THSD4: variants seen among roughly 807,000 people sequenced by gnomAD.
THSD4 encodes the protein thrombospondin type-1 domain-containing protein 4.
THSD4 carries 69 observed loss-of-function variants against 119.0 expected under a neutral mutation model. That is an observed-to-expected ratio of 0.58 (90% confidence interval 0.48 to 0.71). The LOEUF is 0.71. Among genes scored for constraint, THSD4 ranks in the 30% least tolerant of loss-of-function variants. The probability of loss-of-function intolerance (pLI) is 0.00; values close to 1 mark genes in which losing one functional copy is unlikely to be tolerated. For synonymous variants in THSD4, 524 were observed against 540.4 expected, an observed-to-expected ratio of 0.97 and a Z score of 0.42; for missense variants, 1,393 against 1,391.1, an observed-to-expected ratio of 1.00 and a Z score of -0.02.
chr15:71,373,738 T>C (rs1298872711), intron 6 of THSD4, among the ~76,000 whole-genome samples: 2 of 152,174 alleles, frequency 1.3e-5, no homozygotes, highest in African/African-American at 4.8e-5. Flanking sequence ...TCAAAGTCCA[T>C]TCTGCTTCCA....
At chr15:71,568,707 A>T (rs2049291020) in intron 7 of THSD4, among the ~76,000 whole-genome samples, 1 of 151,920 alleles carries the variant, frequency 6.6e-6, no homozygotes, top group African/African-American at 2.4e-5. Context: ...CGTCATTTAC[A>T]TTAGATATAT....
Position 71,547,193 on chromosome 15 carries a change from G to A in THSD4, c.1153-113337G>A, listed in dbSNP as rs948163658. The A allele has an allele frequency of 5.3e-6, 7 of 1,323,452 alleles. 1 individual carries two copies. The highest frequency in any genetic ancestry group is 6.7e-6 in the Non-Finnish European group (7 of 1,041,308). The allele number at this position is 1,323,452 out of a possible 1,614,324, so 82.0% of individuals were successfully genotyped here. ...TGGCTCCTGTCCCCTCCCCCAGCCG[G>A]GAGAAGTTATTACATGAAGAGATCA... is the stretch of plus-strand genomic sequence containing the variant. On this transcript the variant is annotated intron_variant, in intron 7 of 17. Transcript: ENST00000261862.
chr15:71,737,278 A>G (rs997283140), intron 10 of THSD4, among the ~76,000 whole-genome samples: 4 of 152,212 alleles, frequency 2.6e-5, no homozygotes, highest in Non-Finnish European at 5.9e-5. Context: ...TCCCTCCAAA[A>G]CCATGGATCT....
intron 8 of THSD4, among the ~76,000 whole-genome samples, chr15:71,725,499 G>A (rs542523358): frequency 6.6e-6 from 1 of 152,302 alleles, no homozygotes; most frequent in African/African-American, 2.4e-5. Flanking sequence ...TTAATAGCCA[G>A]GTAGAGAAAG....
chr15:71,588,338 G>A (rs1036078982), intron 7 of THSD4, among the ~76,000 whole-genome samples: 2 of 150,950 alleles, frequency 1.3e-5, no homozygotes, highest in Admixed American at 6.6e-5. Flanking sequence ...TTGTCATTGG[G>A]AAAAGTGAGA....
At chr15:71,172,157 T>C (rs2043372338) in intron 3 of THSD4, 1 of 151,982 alleles carries the variant, frequency 6.6e-6, no homozygotes, top group South Asian at 2.1e-4. Flanking sequence ...AAAACCCGTC[T>C]CTATTAAAAA....
chr15:71,345,414 G>C (rs886822478), intron 6 of THSD4, among the ~76,000 whole-genome samples: 3 of 152,136 alleles, frequency 2.0e-5, no homozygotes, highest in African/African-American at 4.8e-5. Context: ...CTCTGTGATT[G>C]GCCCTTTCTT....
chr15:71,199,792 T>TGTGTGTGTG (rs2043773536), intron 3 of THSD4, among the ~76,000 whole-genome samples: 1 of 137,616 alleles, frequency 7.3e-6, no homozygotes, highest in Non-Finnish European at 1.6e-5. Context: ...GGGTGTGTGC[T>TGTGTGTGTG]GTGTGTGTGC....
At position 71,277,128 on chromosome 15, in the gene THSD4, CT is replaced by C. The variant is rs779207517; in HGVS notation, c.1015+20427del. The stretch of plus-strand genomic sequence containing the variant: ...TATTTGTATTTGAATTCTTCTTCTT[CT>C]TTTTTTTTTTTTTGAAACGGAGTTT... On this transcript the variant is annotated intron_variant, in intron 6 of 17. Transcript: ENST00000261862. Among the ~76,000 whole-genome samples the C allele has an allele frequency of 1.4e-3, 176 of 122,890 alleles. 1 individual carries two copies. The highest frequency in any genetic ancestry group is 3.0e-3 in the Admixed American group (36 of 12,034). The allele number at this position is 122,890 out of a possible 152,430, so 80.6% of individuals were successfully genotyped here.
In THSD4 at chr15:71,237,053, G is replaced by A. The variant is rs1357275137; in HGVS notation, c.465-5596G>A. On this transcript the variant is annotated intron_variant, in intron 4 of 17. Coordinates refer to ENST00000261862, the MANE Select transcript of THSD4 (RefSeq NM_024817.3). ...TAAAGTCCCTTGGCCTACTGAGGAG[G>A]TACAAGTGGTGTGGGTGGTCCATGC... Among the ~76,000 whole-genome samples the A allele has an allele frequency of 6.6e-5, 10 of 152,190 alleles. No individual in the cohort carries two copies. In the East Asian group the frequency reaches 1.7e-3, roughly 26 times the overall value.
rs148136233 is a variant in THSD4 at position 71,683,176 on chromosome 15, C to T, written c.1357+22442C>T. ...GACTATAGTAATCTGCCTACCTTGA[C>T]CTCCCAAAGTGCTAGGATTACAGGT... On this transcript the variant is annotated intron_variant, in intron 8 of 17. Transcript: ENST00000261862. Among the ~76,000 whole-genome samples the T allele has an allele frequency of 2.5e-3, 382 of 152,128 alleles. 2 individuals carry two copies. Among genetic ancestry groups the T allele is most frequent in the Admixed American group, 7.1e-3 (108 of 15,272 alleles).
intron 2 of THSD4, among the ~76,000 whole-genome samples, chr15:71,146,589 G>A (rs2040664114): frequency 6.6e-6 from 1 of 151,818 alleles, no homozygotes; most frequent in Non-Finnish European, 1.5e-5. Context: ...GAATACTTAT[G>A]TCACTACAAA....
chr15:71,387,727 C>T (rs1205099657), intron 6 of THSD4, among the ~76,000 whole-genome samples: 1 of 152,184 alleles, frequency 6.6e-6, no homozygotes, highest in African/African-American at 2.4e-5. Context: ...GTATATACAA[C>T]AAAGGCTTAG....
intron 10 of THSD4, among the ~76,000 whole-genome samples, chr15:71,736,470 T>C (rs1363363716): frequency 6.6e-6 from 1 of 151,988 alleles, no homozygotes; most frequent in Non-Finnish European, 1.5e-5. Flanking sequence ...GCCCTCTCTG[T>C]CTCTCTCACT....
intron 6 of THSD4, among the ~76,000 whole-genome samples, chr15:71,362,677 T>A (rs1229756820): frequency 2.6e-5 from 4 of 152,180 alleles, no homozygotes; most frequent in Non-Finnish European, 2.9e-5. Flanking sequence ...ATAAATAAAT[T>A]AATTTCCATG....
chr15:71,214,078 C>G (rs1403171583), intron 3 of THSD4, among the ~76,000 whole-genome samples: 1 of 144,802 alleles, frequency 6.9e-6, no homozygotes, highest in Non-Finnish European at 1.5e-5. Context: ...TGTAAATGCA[C>G]CAATCAGCAC....
At chr15:71,122,480 C>T (rs1323911589) in intron 1 of THSD4, among the ~76,000 whole-genome samples, 1 of 152,350 alleles carries the variant, frequency 6.6e-6, no homozygotes, top group East Asian at 1.9e-4. Flanking sequence ...GGAAAGGTCT[C>T]TCCCTGCTCT....
intron 8 of THSD4, among the ~76,000 whole-genome samples, chr15:71,708,613 G>A (rs1167280784): frequency 2.0e-5 from 3 of 152,126 alleles, no homozygotes; most frequent in Admixed American, 6.5e-5. Flanking sequence ...GGAGAATAAG[G>A]CATCACATAT....
At chr15:71,323,684 G>T (rs975018413) in intron 6 of THSD4, among the ~76,000 whole-genome samples, 1 of 152,072 alleles carries the variant, frequency 6.6e-6, no homozygotes, top group Non-Finnish European at 1.5e-5. Context: ...AAAATCAAGG[G>T]CTGCCTATAT....
Sources: gnomAD v4.1 joint callset for allele counts (sites outside exome capture counted in the v4.1 genomes callset) on GRCh38, gnomAD v4.1.1 for gene constraint, MANE v1.5 for transcripts, NCBI Gene and HGNC (gene_info 2026-07-23, HGNC 2026-07-21) for gene names.